Variants in SLC38A9 observed in about 807,000 individuals in gnomAD.
SLC38A9 encodes the protein neutral amino acid transporter 9.
SLC38A9 carries 48 observed loss-of-function variants against 62.3 expected under a neutral mutation model. That is an observed-to-expected ratio of 0.77 (90% CI 0.61 to 0.98). SLC38A9 has a LOEUF of 0.98. Ranked by LOEUF, SLC38A9 falls within the 50% of genes least tolerant of loss-of-function variation. The pLI is 0.00. For synonymous variants in SLC38A9, 204 were observed against 227.7 expected, an observed-to-expected ratio of 0.90 and a Z score of 0.94; for missense variants, 541 against 679.8, an observed-to-expected ratio of 0.80 and a Z score of 2.27.
chr5:55,693,164 T>A (rs1459454866), intron 3 of SLC38A9: 4 of 215,542 alleles, frequency 1.9e-5, no homozygotes, highest in Admixed American at 6.5e-5. Context: ...TGCCACACCA[T>A]CCCGCCTAAA....
chr5:55,635,453 C>T (rs951607340), intron 13 of SLC38A9, 91 bp downstream of exon 13: 1 of 908,188 alleles, frequency 1.1e-6, no homozygotes, highest in South Asian at 1.4e-5. Flanking sequence ...CCAGGCCTAT[C>T]TGATGTTATA....
chr5:55,678,076 G>C (rs1049043468), intron 3 of SLC38A9, among the ~76,000 whole-genome samples: 6 of 151,288 alleles, frequency 4.0e-5, no homozygotes, highest in Non-Finnish European at 8.8e-5. Context: ...GAGCTTAGGG[G>C]ACAGGCTAGA....
chr5:55,671,499 A>AT (rs1580276822), intron 4 of SLC38A9, among the ~76,000 whole-genome samples: 5 of 92,446 alleles, frequency 5.4e-5, no homozygotes, highest in Admixed American at 1.1e-4. Context: ...TCAGTTTCCC[A>AT]TTCTTCTTTT....
Position 55,698,864 on chromosome 5 carries a change from G to T in SLC38A9, c.-34-872C>A, listed in dbSNP as rs560671469. ...AAGCGGGAGGATTGCTTAAACCCAG[G>T]ATTTGGAGGCTACAGTGAGCTATGA... On this transcript the variant is annotated intron_variant, in intron 2 of 15. Coordinates refer to ENST00000396865, the MANE Select transcript of SLC38A9 (RefSeq NM_173514.4). 1.1e-3 allele frequency among the ~76,000 whole-genome samples: 169 copies of T among 152,292 alleles called. 1 individual carries two copies. The highest frequency in any genetic ancestry group is 1.5e-3 in the Non-Finnish European group (104 of 68,026).
At chr5:55,700,339 A>G (rs940230559) in intron 2 of SLC38A9, among the ~76,000 whole-genome samples, 4 of 144,550 alleles carry the variant, frequency 2.8e-5, no homozygotes, top group Admixed American at 1.4e-4. Context: ...TGAGACCCCA[A>G]TTAAAAAAAA....
At chr5:55,674,236 G>A (rs866734832) in intron 3 of SLC38A9, among the ~76,000 whole-genome samples, 3 of 152,126 alleles carry the variant, frequency 2.0e-5, no homozygotes, top group African/African-American at 7.2e-5. Flanking sequence ...CAATGAATAT[G>A]TAAATAGAGC....
intron 12 of SLC38A9, among the ~76,000 whole-genome samples, chr5:55,637,601 T>C (rs980616622): frequency 2.0e-5 from 3 of 152,224 alleles, no homozygotes; most frequent in African/African-American, 7.2e-5. Context: ...CCACGTCTTT[T>C]TCTTCTTTGT....
chr5:55,711,848 A>G (rs181595026), intron 1 of SLC38A9, among the ~76,000 whole-genome samples: 6 of 152,214 alleles, frequency 3.9e-5, no homozygotes, highest in Admixed American at 3.9e-4. Context: ...AAGTCCCACA[A>G]TTCTCCTACT....
chr5:55,708,143 G>C (rs1050406178), intron 2 of SLC38A9, among the ~76,000 whole-genome samples: 3 of 152,198 alleles, frequency 2.0e-5, no homozygotes, highest in Admixed American at 6.5e-5. Context: ...TAGTTGACTT[G>C]CTTGGTACTT....
intron 13 of SLC38A9, chr5:55,635,212 C>T (rs1744148853): frequency 3.6e-6 from 1 of 281,558 alleles, no homozygotes; most frequent in Non-Finnish European, 6.9e-6. Context: ...TACATGAGAA[C>T]TACTTGTACC....
At chr5:55,649,939 G>C (rs1322658550) in intron 10 of SLC38A9, among the ~76,000 whole-genome samples, 2 of 152,120 alleles carry the variant, frequency 1.3e-5, no homozygotes, top group African/African-American at 2.4e-5. Flanking sequence ...TACAAGCAGA[G>C]AGTCCATTAC....
chr5:55,689,397 C>T (rs896283614), intron 3 of SLC38A9, among the ~76,000 whole-genome samples: 48 of 152,168 alleles, frequency 3.2e-4, no homozygotes, highest in African/African-American at 9.7e-4. Flanking sequence ...CTATAGTCAG[C>T]CACTGAGCTA....
chr5:55,674,967 T>A (rs1286639633), intron 3 of SLC38A9, among the ~76,000 whole-genome samples: 1 of 152,192 alleles, frequency 6.6e-6, no homozygotes, highest in African/African-American at 2.4e-5. Context: ...CATTCTCTTT[T>A]TGCTTTGCAA....
chr5:55,681,402 A>G (rs137860362), intron 3 of SLC38A9, among the ~76,000 whole-genome samples: 1 of 152,330 alleles, frequency 6.6e-6, no homozygotes, highest in Non-Finnish European at 1.5e-5. Context: ...GTGAGTCTTA[A>G]GGACAATTTT....
chr5:55,634,635 A>C (rs1744043323), intron 13 of SLC38A9: 1 of 152,218 alleles, frequency 6.6e-6, no homozygotes, highest in Non-Finnish European at 1.5e-5. Context: ...TTCTGGAGTC[A>C]AGGAAATCAA....
intron 13 of SLC38A9, 37 bp downstream of exon 13, chr5:55,635,507 G>A (rs1207192254): frequency 4.3e-6 from 6 of 1,409,868 alleles, no homozygotes; most frequent in South Asian, 1.2e-5. Flanking sequence ...ACATGAAAGT[G>A]TACACAATCA....
At chr5:55,651,767 C>T (rs571135739) in intron 10 of SLC38A9, among the ~76,000 whole-genome samples, 23 of 152,232 alleles carry the variant, frequency 1.5e-4, no homozygotes, top group Non-Finnish European at 3.1e-4. Context: ...CTCTTAGAGA[C>T]TGTAGGAAAA....
chr5:55,698,592 A>G (rs1756233624), intron 2 of SLC38A9, among the ~76,000 whole-genome samples: 1 of 152,244 alleles, frequency 6.6e-6, no homozygotes. Flanking sequence ...AGGTTTAACA[A>G]GAAGTAAAAT....
At chr5:55,635,075 A>G (rs1465220260) in intron 13 of SLC38A9, 2 of 154,188 alleles carry the variant, frequency 1.3e-5, no homozygotes, top group Non-Finnish European at 2.9e-5. Context: ...GTCACTCAAT[A>G]TAAGAATGAG....
Sources: allele counts gnomAD v4.1 joint callset (sites outside exome capture counted in the v4.1 genomes callset), GRCh38; gene constraint gnomAD v4.1.1; transcripts MANE v1.5; gene names NCBI Gene and HGNC (gene_info 2026-07-23, HGNC 2026-07-21).